Variants in CSNK1G3 observed in about 807,000 individuals in gnomAD.
CSNK1G3 encodes the protein casein kinase I isoform gamma-3.
Under a neutral mutation model 64.3 loss-of-function variants are expected in CSNK1G3, and 23 were observed. That is an observed-to-expected ratio of 0.36 (90% CI 0.26 to 0.51). CSNK1G3 has a LOEUF of 0.51. CSNK1G3 is among the 20% of genes least tolerant of loss of function. CSNK1G3 has a pLI of 0.96. For missense variants in CSNK1G3, 357 were observed against 510.5 expected (o/e 0.70, Z 2.90); for synonymous variants, 158 against 162.2 (o/e 0.97, Z 0.20).
chr5:123,596,783 T>G (rs1303554887), intron 10 of CSNK1G3, among the ~76,000 whole-genome samples: 1 of 152,096 alleles, frequency 6.6e-6, no homozygotes. Flanking sequence ...TGGAAATACA[T>G]AGGTAAAACA....
chr5:123,553,772 T>C (rs977671089), intron 3 of CSNK1G3, among the ~76,000 whole-genome samples: 4 of 152,250 alleles, frequency 2.6e-5, no homozygotes, highest in Non-Finnish European at 4.4e-5. Flanking sequence ...TTGTAAGACA[T>C]ACTTTTCCTG....
chr5:123,591,456 T>G lies in CSNK1G3; in HGVS notation c.1086+42T>G, dbSNP rs746246637. ...ATATGAAATACCTTCCTTTCATGAT[T>G]GAAACATACACTTTTTTCTTCAATA... On this transcript the variant is annotated intron_variant, in intron 10 of 12. Coordinates refer to ENST00000345990, the Ensembl canonical transcript of CSNK1G3. 4 of 1,305,238 alleles carry G rather than the reference T, an allele frequency of 3.1e-6. No individual in the cohort carries two copies. The African/African-American group carries it at 4.5e-5, about 15-fold the overall frequency. The allele number at this position is 1,305,238 out of a possible 1,614,324, so 80.9% of individuals were successfully genotyped here. A position where few individuals can be genotyped will look rare whatever the true frequency, so the allele number is the denominator to read the frequency against.
At chr5:123,587,764 T>C (rs961435579) in intron 6 of CSNK1G3, among the ~76,000 whole-genome samples, 1 of 152,206 alleles carries the variant, frequency 6.6e-6, no homozygotes, top group African/African-American at 2.4e-5. Flanking sequence ...ATACAGTGAC[T>C]CTGACCATGG....
exon 1 of CSNK1G3, chr5:123,512,476 G>C (rs1054505931): frequency 6.6e-6 from 1 of 151,752 alleles, no homozygotes; most frequent in Non-Finnish European, 1.5e-5. Context: ...CGGCGGGTGT[G>C]ATGTGCCGCC....
chr5:123,561,020 A>C (rs1314942130), intron 4 of CSNK1G3, among the ~76,000 whole-genome samples: 2 of 152,180 alleles, frequency 1.3e-5, no homozygotes, highest in African/African-American at 2.4e-5. Flanking sequence ...ATTTATTTAG[A>C]ATTATTTAGT....
intron 12 of CSNK1G3, among the ~76,000 whole-genome samples, chr5:123,606,525 A>C (rs1561625493): frequency 6.6e-6 from 1 of 152,152 alleles, no homozygotes; most frequent in African/African-American, 2.4e-5. Context: ...GAAGCTAATA[A>C]TACCTACTTC....
intron 1 of CSNK1G3, among the ~76,000 whole-genome samples, chr5:123,542,447 C>A (rs549641505): frequency 4.8e-4 from 73 of 152,196 alleles, no homozygotes; most frequent in Non-Finnish European, 8.5e-4. Context: ...CTCTTGATTT[C>A]TTCTTAAAGT....
intron 4 of CSNK1G3, among the ~76,000 whole-genome samples, chr5:123,564,909 T>G (rs945625027): frequency 1.2e-4 from 18 of 152,166 alleles, no homozygotes; most frequent in African/African-American, 4.3e-4. Flanking sequence ...TCTTAAACTT[T>G]CGGGTCTCAG....
chr5:123,599,145 C>G (rs1793983981), intron 10 of CSNK1G3, among the ~76,000 whole-genome samples: 1 of 152,200 alleles, frequency 6.6e-6, no homozygotes, highest in Non-Finnish European at 1.5e-5. Context: ...AACTGAAAAT[C>G]TGATCCTATA....
At chr5:123,592,943 C>G (rs765279554) in intron 10 of CSNK1G3, among the ~76,000 whole-genome samples, 31 of 151,714 alleles carry the variant, frequency 2.0e-4, no homozygotes, top group Non-Finnish European at 3.8e-4. Context: ...TTTTATAAAC[C>G]AGAGTTAATT....
In CSNK1G3 at chr5:123,588,260, AG is replaced by A. The variant is rs1467013543; in HGVS notation, c.759+109del. On this transcript the variant is annotated intron_variant, in intron 7 of 12. Transcript: ENST00000345990. Reference sequence around the variant, plus strand: ...TATTTTAAAATTTTATTTTGTAAGTAGGCATCAGGGCTCCCTGTGTTGCCCA... The same window carrying A: ...TATTTTAAAATTTTATTTTGTAAGTAGCATCAGGGCTCCCTGTGTTGCCCA... 10 of 1,057,860 alleles carry A rather than the reference AG, an allele frequency of 9.5e-6. 1 individual carries two copies. The highest frequency in any genetic ancestry group is 1.3e-5 in the Non-Finnish European group (9 of 696,226). 65.5% of individuals were successfully genotyped at this position (1,057,860 alleles called of 1,614,324 possible).
intron 12 of CSNK1G3, among the ~76,000 whole-genome samples, chr5:123,612,753 C>G (rs548711066): frequency 1.9e-3 from 288 of 152,070 alleles, no homozygotes; most frequent in South Asian, 7.7e-3. Flanking sequence ...TGGGATTACA[C>G]GCATGAGCCA....
At chr5:123,595,873 T>A (rs1388399145) in intron 10 of CSNK1G3, among the ~76,000 whole-genome samples, 3 of 152,132 alleles carry the variant, frequency 2.0e-5, no homozygotes, top group African/African-American at 7.2e-5. Flanking sequence ...TCTCGTATTG[T>A]CTTTTAAAAT....
Position 123,536,483 on chromosome 5 carries a change from T to C in CSNK1G3, c.-247-8934T>C, listed in dbSNP as rs531169444. ...AAAGCTAGATAGGAGGAATTAGTTC[T>C]AGTTTTCCATACCACTGTAGGGGGA... On this transcript the variant is annotated intron_variant, in intron 1 of 12. Coordinates refer to ENST00000345990, the Ensembl canonical transcript of CSNK1G3. 7.9e-5 allele frequency among the ~76,000 whole-genome samples: 12 copies of C among 151,426 alleles called. No homozygotes were observed. The South Asian group carries it at 2.3e-3, about 29-fold the overall frequency.
chr5:123,519,428 G>A (rs1580843827), intron 1 of CSNK1G3, among the ~76,000 whole-genome samples: 1 of 152,302 alleles, frequency 6.6e-6, no homozygotes, highest in East Asian at 1.9e-4. Context: ...AAAATAGGTG[G>A]TGAAGTTGAA....
intron 4 of CSNK1G3, among the ~76,000 whole-genome samples, chr5:123,562,239 C>A (rs1288341262): frequency 1.3e-5 from 2 of 152,236 alleles, no homozygotes; most frequent in East Asian, 3.9e-4. Context: ...ATCTTTTCCT[C>A]TCCAGAAAAT....
chr5:123,558,788 T>TA (rs1425961036), intron 4 of CSNK1G3, among the ~76,000 whole-genome samples: 1 of 152,228 alleles, frequency 6.6e-6, no homozygotes, highest in Non-Finnish European at 1.5e-5. Context: ...TATGTGAAAC[T>TA]ATACATATTA....
intron 1 of CSNK1G3, among the ~76,000 whole-genome samples, chr5:123,538,054 A>G (rs1187139776): frequency 2.0e-5 from 3 of 152,214 alleles, no homozygotes; most frequent in Admixed American, 6.5e-5. Flanking sequence ...TTATATGACT[A>G]TACCAATTTG....
At chr5:123,565,737 C>G (rs576394905) in intron 4 of CSNK1G3, among the ~76,000 whole-genome samples, 1 of 152,098 alleles carries the variant, frequency 6.6e-6, no homozygotes, top group Non-Finnish European at 1.5e-5. Flanking sequence ...AGTGTACAAT[C>G]ATGGCAGAAG....
Sources: gnomAD v4.1 joint callset for allele counts (sites outside exome capture counted in the v4.1 genomes callset) on GRCh38, gnomAD v4.1.1 for gene constraint, MANE v1.5 for transcripts, NCBI Gene and HGNC (gene_info 2026-07-23, HGNC 2026-07-21) for gene names.